Variants in RAB23 observed in about 807,000 individuals in gnomAD.
RAB23 encodes ras-related protein Rab-23.
RAB23 carries 15 observed loss-of-function variants against 30.0 expected under a neutral mutation model. That is an observed-to-expected ratio of 0.50 (90% CI 0.33 to 0.77). The LOEUF is 0.77. Ranked by LOEUF, RAB23 falls within the 30% of genes least tolerant of loss-of-function variation. The pLI is 0.02. For missense variants in RAB23, 243 were observed against 275.4 expected (o/e 0.88, Z 0.83); for synonymous variants, 93 against 94.0 (o/e 0.99, Z 0.06).
At chr6:57,212,885 AAAAC>A (rs942938380) in intron 1 of RAB23, among the ~76,000 whole-genome samples, 63 of 152,160 alleles carry the variant, frequency 4.1e-4, no homozygotes, top group Middle Eastern at 3.4e-3. Flanking sequence ...CCCTGTCTAA[AAAAC>A]AAACAAACAA....
chr6:57,205,202 C>A (rs750785875), intron 3 of RAB23, among the ~76,000 whole-genome samples: 3 of 150,914 alleles, frequency 2.0e-5, no homozygotes, highest in Non-Finnish European at 4.4e-5. Flanking sequence ...TACATACATA[C>A]ACATATATTA....
intron 3 of RAB23, among the ~76,000 whole-genome samples, chr6:57,197,824 G>T (rs1237344248): frequency 1.3e-5 from 2 of 152,082 alleles, no homozygotes; most frequent in Non-Finnish European, 2.9e-5. Context: ...CTGCAGCCTC[G>T]ACCTCCTGGA....
chr6:57,194,956 G>A, intron 4 of RAB23, 104 bp from the exon 5 acceptor site: 1 of 832,322 alleles, frequency 1.2e-6, no homozygotes, highest in African/African-American at 1.7e-5. Flanking sequence ...TGGCAGGGAA[G>A]GGAGGGAAGG....
At chr6:57,202,441 C>G (rs1410452366) in intron 3 of RAB23, among the ~76,000 whole-genome samples, 1 of 152,150 alleles carries the variant, frequency 6.6e-6, no homozygotes, top group African/African-American at 2.4e-5. Context: ...TTATTGCAAT[C>G]AGGTCAAGGG....
Position 57,196,604 on chromosome 6 carries a change from C to G in RAB23, c.244G>C (p.Ala82Pro), listed in dbSNP as rs766250966. 5.6e-6 allele frequency: 9 copies of G among 1,613,378 alleles called. No homozygotes were observed. The highest frequency in any genetic ancestry group is 7.6e-6 in the Non-Finnish European group (9 of 1,179,738). ...DAITKAYYRG[A>P]QACVLVFSTT... ...GAGAACACGAGCACACAAGCCTGGG[C>G]TCCTGTAAGTTCACAATCAATCAAT... Residue 82 changes from alanine to proline, a missense_variant and splice_region_variant, in exon 4 of 7, where the codon GCC becomes CCC. Transcript: ENST00000468148.
intron 1 of RAB23, among the ~76,000 whole-genome samples, chr6:57,214,056 AC>A (rs1765751119): frequency 6.6e-6 from 1 of 151,966 alleles, no homozygotes; most frequent in Non-Finnish European, 1.5e-5. Context: ...ATCCCTAGAG[AC>A]CATGTGGGAG....
At chr6:57,215,424 G>A (rs1765802961) in intron 1 of RAB23, among the ~76,000 whole-genome samples, 1 of 152,188 alleles carries the variant, frequency 6.6e-6, no homozygotes, top group Non-Finnish European at 1.5e-5. Context: ...AAAAGGATGG[G>A]GAAAAGTAAT....
intron 1 of RAB23, among the ~76,000 whole-genome samples, chr6:57,217,363 G>A (rs550985240): frequency 1.3e-5 from 2 of 152,296 alleles, no homozygotes; most frequent in East Asian, 1.9e-4. Flanking sequence ...CCAGGCTGGA[G>A]TGCAGTGGCC....
At chr6:57,194,146 A>G (rs1015298374) in intron 5 of RAB23, among the ~76,000 whole-genome samples, 1 of 152,130 alleles carries the variant, frequency 6.6e-6, no homozygotes, top group African/African-American at 2.4e-5. Flanking sequence ...GTATTTTATT[A>G]GTAAATAAGT....
rs547404624 is a variant in RAB23 at position 57,214,437 on chromosome 6, G to T, written c.-65-3992C>A. The stretch of plus-strand genomic sequence containing the variant: ...TCAAGCAATCATCCCACCTCAGCTG[G>T]GACTACAGGCGCACACCACCACGCC... On this transcript the variant is annotated intron_variant, in intron 1 of 6. Transcript: ENST00000468148. Among the ~76,000 whole-genome samples the T allele has an allele frequency of 3.9e-4, 60 of 152,110 alleles. 1 individual carries two copies. The South Asian group carries it at 7.5e-3, about 19-fold the overall frequency.
intron 3 of RAB23, among the ~76,000 whole-genome samples, chr6:57,199,561 A>T (rs1301104308): frequency 1.3e-5 from 2 of 152,258 alleles, no homozygotes; most frequent in African/African-American, 4.8e-5. Flanking sequence ...ATTAAACCAC[A>T]GGAGAAAAAT....
At chr6:57,220,265 G>T (rs1361049962) in intron 1 of RAB23, among the ~76,000 whole-genome samples, 1 of 152,120 alleles carries the variant, frequency 6.6e-6, no homozygotes, top group African/African-American at 2.4e-5. Flanking sequence ...TCAAATGCTG[G>T]GAGTATGTGG....
chr6:57,217,304 T>C (rs529128101), intron 1 of RAB23, among the ~76,000 whole-genome samples: 2 of 151,562 alleles, frequency 1.3e-5, no homozygotes, highest in East Asian at 1.9e-4. Context: ...TGGGAAAATA[T>C]ATTTTATTTT....
At chr6:57,202,064 T>C (rs981128721) in intron 3 of RAB23, among the ~76,000 whole-genome samples, 8 of 152,384 alleles carry the variant, frequency 5.2e-5, no homozygotes, top group Non-Finnish European at 1.2e-4. Context: ...AATTGTTCTT[T>C]TTAAAATTTT....
Position 57,207,684 on chromosome 6 carries a change from A to G in RAB23, c.185T>C (p.Leu62Ser). The part of the protein sequence containing the change: ...QVNDEDVRLM[L>S]WDTAGQEEFD... ...TTCCTCCTGACCTGCAGTGTCCCAT[A>G]ACATTAGTCTGACATCTTCATCATT... Residue 62 changes from leucine to serine, a missense_variant, in exon 3 of 7, where the codon TTA (leucine) becomes TCA (serine). Physicochemically the swap from Leu to Ser is moderately radical, Grantham distance 145. Coordinates refer to ENST00000468148, the MANE Select transcript of RAB23 (RefSeq NM_016277.5). The G allele has an allele frequency of 1.2e-6, 2 of 1,604,440 alleles. No individual in the cohort carries two copies. Among genetic ancestry groups the G allele is most frequent in the Non-Finnish European group, 1.7e-6 (2 of 1,171,430 alleles).
At chr6:57,210,772 C>A (rs1277373136) in intron 1 of RAB23, among the ~76,000 whole-genome samples, 1 of 152,218 alleles carries the variant, frequency 6.6e-6, no homozygotes, top group Non-Finnish European at 1.5e-5. Flanking sequence ...TCTTAGTGAA[C>A]ACGTTGCTTA....
rs1005271725 is a variant in RAB23 at position 57,190,612 on chromosome 6, G to T, written c.575-12C>A. ...TGTATTAAAGACACCTGTATAAATTGAGGGAAAAGAGTGATTGCCACTGAC... is the reference window on the plus strand; with the variant it reads ...TGTATTAAAGACACCTGTATAAATTTAGGGAAAAGAGTGATTGCCACTGAC... On this transcript the variant is annotated splice_polypyrimidine_tract_variant and intron_variant, in intron 6 of 6. Coordinates refer to ENST00000468148, the MANE Select transcript of RAB23 (RefSeq NM_016277.5). 1.4e-5 allele frequency: 22 copies of T among 1,613,588 alleles called. No individual in the cohort carries two copies. Among genetic ancestry groups the T allele is most frequent in the Non-Finnish European group, 1.8e-5 (21 of 1,179,664 alleles).
At chr6:57,194,925 T>C in intron 4 of RAB23, 73 bp from the exon 5 acceptor site, 1 of 1,104,838 alleles carries the variant, frequency 9.1e-7, no homozygotes, top group Admixed American at 1.8e-5. Context: ...TCACTTTTAA[T>C]TACATTTACT....
intron 1 of RAB23, among the ~76,000 whole-genome samples, chr6:57,214,374 G>T (rs1052414232): frequency 2.0e-5 from 3 of 151,986 alleles, no homozygotes; most frequent in African/African-American, 4.8e-5. Context: ...GAGTGCAGTG[G>T]GGTGAACACA....
Sources: allele counts gnomAD v4.1 joint callset (sites outside exome capture counted in the v4.1 genomes callset), GRCh38; gene constraint gnomAD v4.1.1; transcripts MANE v1.5; gene names NCBI Gene and HGNC (gene_info 2026-07-23, HGNC 2026-07-21).